CNTFR: variants seen among roughly 807,000 people sequenced by gnomAD.
The protein encoded by CNTFR is ciliary neurotrophic factor receptor, also known as ciliary neurotrophic factor receptor subunit alpha.
In CNTFR, 12 loss-of-function variants were observed where a neutral mutation model predicts 40.4. The observed-to-expected ratio is 0.30, with a 90% confidence interval of 0.19 to 0.48. The LOEUF (loss-of-function observed/expected upper bound fraction) is 0.48, where lower values mean the gene tolerates loss of function less well. CNTFR is among the 20% of genes least tolerant of loss of function. CNTFR has a pLI of 0.99. For missense variants in CNTFR, 414 were observed against 506.8 expected, an observed-to-expected ratio of 0.82 and a Z score of 1.76; for synonymous variants, 202 against 209.6, an observed-to-expected ratio of 0.96 and a Z score of 0.31.
At chr9:34,590,668 G>A (rs188351959), upstream of CNTFR, among the ~76,000 whole-genome samples, 5 of 152,324 alleles carry the variant, frequency 3.3e-5, no homozygotes, top group East Asian at 9.7e-4. Flanking sequence ...TAGGGAGGGT[G>A]CACTCTCAAT....
chr9:34,583,637 C>T (rs1161275771), intron 1 of CNTFR, among the ~76,000 whole-genome samples: 2 of 152,064 alleles, frequency 1.3e-5, no homozygotes, highest in East Asian at 1.9e-4. Context: ...CACCCAAGCT[C>T]GCCAAGGCAG....
intron 3 of CNTFR, 29 bp downstream of exon 3, chr9:34,568,868 G>T (rs375307592): frequency 1.0e-4 from 160 of 1,555,102 alleles, no homozygotes; most frequent in Non-Finnish European, 1.3e-4. Context: ...TGAGAGGGGG[G>T]TCAGCAGGCG....
At chr9:34,582,035 A>T (rs1827313955) in intron 1 of CNTFR, among the ~76,000 whole-genome samples, 1 of 152,150 alleles carries the variant, frequency 6.6e-6, no homozygotes, top group Admixed American at 6.5e-5. Context: ...GCACTTTGGG[A>T]GGCTGAAGCA....
At chr9:34,560,012 C>T (rs1195304151) in intron 4 of CNTFR, among the ~76,000 whole-genome samples, 1 of 152,232 alleles carries the variant, frequency 6.6e-6, no homozygotes, top group African/African-American at 2.4e-5. Context: ...TGACTGGAGG[C>T]TTTGTCTGTC....
At chr9:34,580,448 G>A (rs1413920007) in intron 2 of CNTFR, among the ~76,000 whole-genome samples, 3 of 152,152 alleles carry the variant, frequency 2.0e-5, no homozygotes, top group Admixed American at 6.5e-5. Flanking sequence ...CCTGGTCCTA[G>A]TTGTGAAGGG....
intron 1 of CNTFR, among the ~76,000 whole-genome samples, chr9:34,584,000 G>A (rs1284018002): frequency 6.6e-6 from 1 of 152,228 alleles, no homozygotes; most frequent in African/African-American, 2.4e-5. Context: ...CTATAAAAGG[G>A]AGTCTTAAGC....
At chr9:34,556,179 C>T (rs1160783231) in intron 7 of CNTFR, 76 bp downstream of exon 7, 17 of 1,494,140 alleles carry the variant, frequency 1.1e-5, no homozygotes, top group East Asian at 9.7e-5. Flanking sequence ...GCTGCTGCCA[C>T]GTGGGATATG....
At chr9:34,555,700 C>T (rs1036893871) in intron 7 of CNTFR, among the ~76,000 whole-genome samples, 2 of 152,124 alleles carry the variant, frequency 1.3e-5, no homozygotes, top group African/African-American at 4.8e-5. Context: ...AACTCACATG[C>T]TGGACCAGGC....
chr9:34,551,474 C>T lies in CNTFR; in HGVS notation c.*597G>A, dbSNP rs1426242900. 6.1e-6 allele frequency: 1 copy of T among 164,544 alleles called. No homozygotes were observed. Among genetic ancestry groups the T allele is most frequent in the African/African-American group, 2.4e-5 (1 of 41,456 alleles). 10.2% of individuals were successfully genotyped at this position (164,544 alleles called of 1,614,324 possible). ...TTTAATGAGAACCGCCCACTCCCCC[C>T]ACCCTGTATATACATCTATAAAAAA... On this transcript the variant is annotated 3_prime_UTR_variant, in exon 10 of 10. Coordinates refer to ENST00000378980, the MANE Select transcript of CNTFR (RefSeq NM_147164.3).
At chr9:34,586,279 C>T (rs185276978) in intron 1 of CNTFR, among the ~76,000 whole-genome samples, 1 of 152,178 alleles carries the variant, frequency 6.6e-6, no homozygotes, top group Non-Finnish European at 1.5e-5. Context: ...GATAAGGGCT[C>T]AACAGGCAAT....
At chr9:34,568,212 A>C (rs956734924) in intron 3 of CNTFR, 2 of 152,264 alleles carry the variant, frequency 1.3e-5, no homozygotes, top group African/African-American at 4.8e-5. Flanking sequence ...TGCTGCCTCA[A>C]GTGCAGTAGA....
chr9:34,586,707 C>T (rs1362898286), intron 1 of CNTFR, among the ~76,000 whole-genome samples: 1 of 152,218 alleles, frequency 6.6e-6, no homozygotes, highest in African/African-American at 2.4e-5. Context: ...CCACTCAGAT[C>T]TTCCTGCCAA....
rs143029032 is a variant in CNTFR at position 34,583,275 on chromosome 9, G to A, written c.-111-2070C>T. Among the ~76,000 whole-genome samples the A allele has an allele frequency of 1.7e-3, 258 of 152,334 alleles. 1 individual carries two copies. Among genetic ancestry groups the A allele is most frequent in the African/African-American group, 5.9e-3 (244 of 41,576 alleles). On this transcript the variant is annotated intron_variant, in intron 1 of 9. Coordinates refer to ENST00000378980, the MANE Select transcript of CNTFR (RefSeq NM_147164.3). ...GCCCTTTGCTTCCAAGCAAAAAGTC[G>A]TCTTACTTAGGTCTCACTCAGAACT...
intron 2 of CNTFR, among the ~76,000 whole-genome samples, chr9:34,576,704 C>T (rs989544953): frequency 1.3e-5 from 2 of 152,190 alleles, no homozygotes; most frequent in African/African-American, 4.8e-5. Context: ...AAGGAAGTAC[C>T]TGGGGGAGAC....
intron 7 of CNTFR, among the ~76,000 whole-genome samples, chr9:34,555,458 G>A (rs79266874): frequency 6.6e-6 from 1 of 152,190 alleles, no homozygotes; most frequent in African/African-American, 2.4e-5. Context: ...CACACAGAGT[G>A]CCCACGACCC....
intron 1 of CNTFR, among the ~76,000 whole-genome samples, chr9:34,582,094 T>A (rs972072691): frequency 6.6e-6 from 1 of 151,922 alleles, no homozygotes; most frequent in African/African-American, 2.4e-5. Flanking sequence ...GGCAACATAG[T>A]GAAACCCCAT....
At chr9:34,585,075 C>T in intron 1 of CNTFR, among the ~76,000 whole-genome samples, 1 of 152,192 alleles carries the variant, frequency 6.6e-6, no homozygotes, top group East Asian at 1.9e-4. Context: ...AGGCACTGTA[C>T]AGGGAGCCAG....
chr9:34,575,791 G>A (rs886636445), intron 2 of CNTFR, among the ~76,000 whole-genome samples: 1 of 151,978 alleles, frequency 6.6e-6, no homozygotes, highest in South Asian at 2.1e-4. Flanking sequence ...GCCAGAGTTG[G>A]GTGGGGGGAA....
chr9:34,573,356 G>A (rs1826777045), intron 2 of CNTFR, among the ~76,000 whole-genome samples: 1 of 152,206 alleles, frequency 6.6e-6, no homozygotes, highest in East Asian at 1.9e-4. Context: ...GTAATTGTGT[G>A]TGCGGGTTGA....
Sources: gnomAD v4.1 joint callset for allele counts (sites outside exome capture counted in the v4.1 genomes callset) on GRCh38, gnomAD v4.1.1 for gene constraint, MANE v1.5 for transcripts, NCBI Gene and HGNC (gene_info 2026-07-23, HGNC 2026-07-21) for gene names.